The following KDM5B variants were observed in gnomAD, a reference collection of about 807,000 sequenced individuals.
KDM5B encodes the protein lysine-specific demethylase 5B.
KDM5B carries 144 observed loss-of-function variants against 193.4 expected under a neutral mutation model. The observed-to-expected ratio is 0.74, with a 90% CI of 0.65 to 0.86. The LOEUF is 0.86. Among genes scored for constraint, KDM5B ranks in the 40% least tolerant of loss-of-function variants. The pLI, the probability that KDM5B is intolerant of heterozygous loss-of-function variation, is 0.00. For synonymous variants in KDM5B, 668 were observed against 682.6 expected (o/e 0.98, Z 0.33); for missense variants, 1,833 against 1,886.9 (o/e 0.97, Z 0.53).
rs759004209 is a variant in KDM5B at position 202,762,833 on chromosome 1, CT to C, written c.809-26del. On this transcript the variant is annotated intron_variant, in intron 6 of 26. Transcript: ENST00000367265. Reference sequence around the variant, plus strand: ...TCTGTAGGAGGCAATCCAAAATTAGCTCTTTATGATGCTTTTCTCCACTTCC... The same window carrying C: ...TCTGTAGGAGGCAATCCAAAATTAGCCTTTATGATGCTTTTCTCCACTTCC... 4.2e-5 allele frequency: 53 copies of C among 1,265,612 alleles called. No homozygotes were observed. The East Asian group carries it at 1.2e-3, about 29-fold the overall frequency. The allele number at this position is 1,265,612 out of a possible 1,614,324, so 78.4% of individuals were successfully genotyped here.
intron 16 of KDM5B, among the ~76,000 whole-genome samples, chr1:202,744,417 G>T (rs188049478): frequency 7.8e-4 from 119 of 152,294 alleles, no homozygotes; most frequent in Non-Finnish European, 1.5e-3. Context: ...AATTAGCTGG[G>T]CATGTTGGCA....
chr1:202,732,138 C>G (rs775240128), intron 23 of KDM5B, 199 bp from the exon 24 acceptor site: 32 of 525,368 alleles, frequency 6.1e-5, no homozygotes, highest in South Asian at 2.1e-4. Context: ...AAAGACCAAG[C>G]CTTTAATCTT....
intron 4 of KDM5B, among the ~76,000 whole-genome samples, chr1:202,772,713 GGAGTCTCA>G: frequency 6.7e-6 from 1 of 149,704 alleles, no homozygotes; most frequent in Middle Eastern, 3.4e-3. Context: ...TTTTTCAGAC[GGAGTCTCA>G]GAGTCTCGCT....
At chr1:202,745,512 CTTTGTT>C (rs61707189) in intron 16 of KDM5B, among the ~76,000 whole-genome samples, 75 of 151,912 alleles carry the variant, frequency 4.9e-4, no homozygotes, top group Non-Finnish European at 7.9e-4. Context: ...TCACAAGATG[CTTTGTT>C]TTTGTTTTTG....
chr1:202,736,653 T>C (rs1655109689), intron 20 of KDM5B, among the ~76,000 whole-genome samples: 1 of 151,972 alleles, frequency 6.6e-6, no homozygotes, highest in Non-Finnish European at 1.5e-5. Context: ...GTTTTTTTTT[T>C]CTTTTTTTAA....
intron 1 of KDM5B, among the ~76,000 whole-genome samples, chr1:202,807,854 G>A (rs1014110151): frequency 6.6e-6 from 1 of 151,734 alleles, no homozygotes; most frequent in African/African-American, 2.4e-5. Flanking sequence ...CCCGAGCCCC[G>A]CGGCGACCCG....
chr1:202,786,914 G>C (rs771357098), intron 1 of KDM5B, among the ~76,000 whole-genome samples: 1 of 152,074 alleles, frequency 6.6e-6, no homozygotes, highest in Non-Finnish European at 1.5e-5. Context: ...TCTTAGACCA[G>C]CCTGACCAAC....
At position 202,808,315 on chromosome 1, in the gene KDM5B, C is replaced by T; in HGVS notation, c.-10G>A. 1.9e-6 allele frequency: 3 copies of T among 1,581,294 alleles called. No homozygotes were observed. The highest frequency in any genetic ancestry group is 2.3e-5 in the East Asian group (1 of 44,030). Reference sequence around the variant, plus strand: ...TGGTGGCCGCCTCCATCACCGCAGGCTGGGCAAGGGCGAGGCGAAGGTGGG... The same window carrying T: ...TGGTGGCCGCCTCCATCACCGCAGGTTGGGCAAGGGCGAGGCGAAGGTGGG... On this transcript the variant is annotated 5_prime_UTR_variant, in exon 1 of 27. Coordinates refer to ENST00000367265, the MANE Select transcript of KDM5B (RefSeq NM_006618.5).
intron 22 of KDM5B, 121 bp from the exon 23 acceptor site, chr1:202,734,007 C>G: frequency 1.7e-6 from 2 of 1,202,056 alleles, no homozygotes; most frequent in South Asian, 3.0e-5. Flanking sequence ...CAAATCCTGA[C>G]TGCCTCATAC....
At position 202,777,367 on chromosome 1, in the gene KDM5B, A is replaced by C. The variant is rs554020149; in HGVS notation, c.205-273T>G. Among the ~76,000 whole-genome samples, 193 of 152,168 alleles carry C rather than the reference A, an allele frequency of 1.3e-3. 1 individual carries two copies. The East Asian group carries it at 0.017, about 13-fold the overall frequency. ...TTGAGCCTGTAAAAAAAAAAAAAAA[A>C]AAAACACTCATTTAGGCAAAAGACA... On this transcript the variant is annotated intron_variant, in intron 1 of 26. Transcript: ENST00000367265.
rs1656988236 is a variant in KDM5B at position 202,777,092 on chromosome 1, A to C, written c.207T>G (p.Asp69Glu). ...TGICKVRPPP[D>E]WQPPFACDVD... ...CATCACATGCAAATGGTGGCTGCCA[A>C]TCCTAGGAGAAAGCAAAGGCTCTTA... The change falls in exon 2 of 27, where the codon GAT becomes GAG. Residue 69 changes from aspartate to glutamate, a missense_variant and splice_region_variant. Physicochemically the swap from Asp to Glu is conservative, Grantham distance 45 (BLOSUM62 2). Transcript: ENST00000367265. 1.9e-6 allele frequency: 3 copies of C among 1,611,560 alleles called. No homozygotes were observed. The Middle Eastern group carries it at 5.0e-4, about 266-fold the overall frequency.
At chr1:202,786,933 A>G (rs1370513130) in intron 1 of KDM5B, among the ~76,000 whole-genome samples, 1 of 151,764 alleles carries the variant, frequency 6.6e-6, no homozygotes, top group East Asian at 1.9e-4. Flanking sequence ...ACATGGAGAA[A>G]CCCCGTCTCT....
In KDM5B at chr1:202,730,946, G is replaced by C; in HGVS notation, c.4139C>G (p.Thr1380Ser). ...GGGTCTCACTGGTGAGCTTCGGTCA[G>C]TCTGCTGAGCAGGGCTTGGCTTTGC... ...LLAKPSPAQQ[T>S]DRSSPVRPSS... The change falls in exon 25 of 27, where the codon ACT becomes AGT. Residue 1380 changes from threonine (T) to serine (S), a missense_variant. By Grantham distance (58) the Thr-to-Ser change is moderately conservative (BLOSUM62 1). Coordinates refer to ENST00000367265, the MANE Select transcript of KDM5B (RefSeq NM_006618.5). 1 of 1,612,570 alleles carries C rather than the reference G, an allele frequency of 6.2e-7. No individual in the cohort carries two copies. The highest frequency in any genetic ancestry group is 1.1e-5 in the South Asian group (1 of 90,958).
chr1:202,733,723 C>T lies in KDM5B; in HGVS notation c.3587G>A (p.Arg1196Lys), dbSNP rs768985518. 6.2e-7 allele frequency: 1 copy of T among 1,614,134 alleles called. No homozygotes were observed. Among genetic ancestry groups the T allele is most frequent in the Non-Finnish European group, 8.5e-7 (1 of 1,180,002 alleles). The change falls in exon 23 of 27, where the codon AGG (arginine) becomes AAG (lysine). Residue 1196 changes from arginine (R) to lysine (K), a missense_variant. Physicochemically the swap from Arg to Lys is conservative, Grantham distance 26. Transcript: ENST00000367265. ...AAPMIQCELC[R>K]DAFHTSCVAV... ...CACACAACTGGTGTGGAAAGCATCC[C>T]TGCAGAGTTCACATTGAATCATAGG...
At chr1:202,753,433 T>TCACACCTGACC (rs1655875886) in intron 11 of KDM5B, among the ~76,000 whole-genome samples, 1 of 151,934 alleles carries the variant, frequency 6.6e-6, no homozygotes, top group Non-Finnish European at 1.5e-5. Flanking sequence ...AGGTGGAGGA[T>TCACACCTGACC]CCAGTGAGCA....
intron 1 of KDM5B, chr1:202,806,460 G>A (rs570536509): frequency 6.6e-6 from 1 of 152,190 alleles, no homozygotes; most frequent in African/African-American, 2.4e-5. Context: ...ACTTCTGCAG[G>A]CCTCTTTGCA....
chr1:202,737,097 A>G (rs1655125774), intron 20 of KDM5B, among the ~76,000 whole-genome samples: 2 of 152,218 alleles, frequency 1.3e-5, no homozygotes, highest in South Asian at 4.1e-4. Flanking sequence ...GTTTGTAGTA[A>G]CTCAAGACTT....
At chr1:202,779,520 G>A (rs1041610523) in intron 1 of KDM5B, among the ~76,000 whole-genome samples, 8 of 150,122 alleles carry the variant, frequency 5.3e-5, no homozygotes, top group African/African-American at 2.0e-4. Flanking sequence ...AACCAGAGTT[G>A]AATGGCCAGG....
intron 1 of KDM5B, among the ~76,000 whole-genome samples, chr1:202,778,696 C>T (rs187084129): frequency 3.3e-5 from 5 of 152,256 alleles, no homozygotes; most frequent in Non-Finnish European, 5.9e-5. Flanking sequence ...GACCTCAGCT[C>T]GCTGCAGCCT....
Sources: allele counts gnomAD v4.1 joint callset (sites outside exome capture counted in the v4.1 genomes callset), GRCh38; gene constraint gnomAD v4.1.1; transcripts MANE v1.5; gene names NCBI Gene and HGNC (gene_info 2026-07-23, HGNC 2026-07-21).